IRAK1BP1: variants seen among roughly 807,000 people sequenced by gnomAD.
IRAK1BP1 encodes the protein interleukin-1 receptor-associated kinase 1-binding protein 1.
Under a neutral mutation model 28.0 loss-of-function variants are expected in IRAK1BP1, and 24 were observed. The ratio of observed to expected loss-of-function variants is 0.86; its 90% CI spans 0.62 to 1.20. The LOEUF is 1.20. Ranked by LOEUF, IRAK1BP1 falls within the 50% of genes most tolerant of loss-of-function variation. The pLI, the probability that IRAK1BP1 is intolerant of heterozygous loss-of-function variation, is 0.00. For missense variants in IRAK1BP1, 336 were observed against 316.7 expected (o/e 1.06, Z -0.46); for synonymous variants, 131 against 116.3 (o/e 1.13, Z -0.81).
At chr6:78,930,698 G>A (rs954113311) in intron 4 of IRAK1BP1, among the ~76,000 whole-genome samples, 6 of 152,062 alleles carry the variant, frequency 3.9e-5, no homozygotes, top group South Asian at 2.1e-4. Flanking sequence ...TTGAGAGGCC[G>A]AGGCGGGCGG....
intron 2 of IRAK1BP1, among the ~76,000 whole-genome samples, chr6:78,891,737 C>T (rs1405707525): frequency 6.6e-6 from 1 of 152,180 alleles, no homozygotes; most frequent in Non-Finnish European, 1.5e-5. Flanking sequence ...GTTGGGATTA[C>T]AGGCGTGAGC....
intron 4 of IRAK1BP1, among the ~76,000 whole-genome samples, chr6:78,917,315 GA>G (rs1188753847): frequency 6.6e-6 from 1 of 151,514 alleles, no homozygotes; most frequent in African/African-American, 2.4e-5. Flanking sequence ...CCAAGCAGAA[GA>G]AAAAAATTCA....
At chr6:78,961,821 T>A in the IRAK1BP1 span, 1 of 1,585,662 alleles carries the variant, frequency 6.3e-7, no homozygotes, top group Admixed American at 1.8e-5. Flanking sequence ...CTAAAATAAA[T>A]AGATAAGTTT....
chr6:78,958,175 T>C, the IRAK1BP1 span: 1 of 202,222 alleles, frequency 4.9e-6, no homozygotes, highest in Non-Finnish European at 9.9e-6. Flanking sequence ...TTTACTATTA[T>C]TATTGTCTAA....
intron 4 of IRAK1BP1, among the ~76,000 whole-genome samples, chr6:78,915,034 G>C (rs1013575958): frequency 1.6e-4 from 24 of 152,058 alleles, no homozygotes; most frequent in Non-Finnish European, 2.1e-4. Context: ...TGGTCAGGCT[G>C]GTCTCGAACT....
downstream of IRAK1BP1, among the ~76,000 whole-genome samples, chr6:78,950,363 T>C (rs1415659618): frequency 6.6e-6 from 1 of 152,208 alleles, no homozygotes; most frequent in South Asian, 2.1e-4. Flanking sequence ...CTGGTCTTCA[T>C]AGAGTGAGTT....
At chr6:78,958,634 C>A in the IRAK1BP1 span, 1 of 1,339,974 alleles carries the variant, frequency 7.5e-7, no homozygotes, top group South Asian at 1.2e-5. Context: ...TTTTAACTTC[C>A]TTATATTTAG....
At chr6:78,945,883 G>A in exon 5 of IRAK1BP1, 1 of 726,812 alleles carries the variant, frequency 1.4e-6, no homozygotes, top group Non-Finnish European at 2.3e-6. Context: ...TAATAAAGAA[G>A]GCAAAAACAA....
rs560954126 is a variant in IRAK1BP1 at position 78,867,646 on chromosome 6, G to C, written c.70G>C (p.Glu24Gln). The change falls in exon 1 of 4, where the codon GAG becomes CAG. Residue 24 changes from glutamate (E) to glutamine (Q), a missense_variant. By Grantham distance (29) the Glu-to-Gln change is conservative. Transcript: ENST00000369940. ...ELVPWADRSR[E>Q]NNLASGRETL... is the part of the protein sequence containing the mutation. ...GGTTCCCTGGGCTGACCGGAGCCGG[G>C]AGAACAACCTGGCCTCAGGGAGAGA... 4.3e-6 allele frequency: 7 copies of C among 1,614,244 alleles called. No individual in the cohort carries two copies. The East Asian group carries it at 1.3e-4, about 31-fold the overall frequency.
chr6:78,975,383 C>A, the IRAK1BP1 span, among the ~76,000 whole-genome samples: 18 of 152,028 alleles, frequency 1.2e-4, no homozygotes, highest in African/African-American at 3.6e-4. Context: ...TCAAAATAAT[C>A]AGAGCTATCT....
At chr6:78,948,084 C>A (rs909576203), downstream of IRAK1BP1, among the ~76,000 whole-genome samples, 7 of 152,070 alleles carry the variant, frequency 4.6e-5, no homozygotes, top group Non-Finnish European at 8.8e-5. Flanking sequence ...AAAAGCCCAG[C>A]TCTACAACCG....
chr6:78,971,025 T>A, the IRAK1BP1 span: 1 of 614,670 alleles, frequency 1.6e-6, no homozygotes, highest in Non-Finnish European at 2.8e-6. Context: ...TCCCTCCTCC[T>A]TTCTCTCAAG....
At chr6:78,922,527 A>C (rs1323308298) in intron 4 of IRAK1BP1, among the ~76,000 whole-genome samples, 2 of 152,210 alleles carry the variant, frequency 1.3e-5, no homozygotes, top group African/African-American at 2.4e-5. Flanking sequence ...GAACTTCCCC[A>C]ATCTAGCAAG....
chr6:78,964,562 G>A, the IRAK1BP1 span, among the ~76,000 whole-genome samples: 4 of 151,932 alleles, frequency 2.6e-5, no homozygotes, highest in African/African-American at 4.8e-5. Context: ...GTGCAATCTC[G>A]GCTCACTGCC....
At chr6:78,973,099 A>C in the IRAK1BP1 span, among the ~76,000 whole-genome samples, 1 of 152,280 alleles carries the variant, frequency 6.6e-6, no homozygotes, top group African/African-American at 2.4e-5. Flanking sequence ...GTTGAAATGA[A>C]GGAAAAAATG....
chr6:78,885,556 A>G, intron 2 of IRAK1BP1, 113 bp downstream of exon 2: 1 of 528,196 alleles, frequency 1.9e-6, no homozygotes, highest in Non-Finnish European at 3.4e-6. Flanking sequence ...ATAGAAGATT[A>G]TTTTTCTCAA....
At chr6:78,975,179 A>T in the IRAK1BP1 span, among the ~76,000 whole-genome samples, 6 of 151,824 alleles carry the variant, frequency 4.0e-5, no homozygotes, top group South Asian at 4.2e-4. Context: ...TCCACCATGA[A>T]CAAGTGGGCT....
the IRAK1BP1 span, chr6:78,978,572 A>T: frequency 6.4e-7 from 1 of 1,557,112 alleles, no homozygotes; most frequent in South Asian, 1.2e-5. Flanking sequence ...AAAATGGATA[A>T]TTTAAAACTT....
chr6:78,978,763 C>T, the IRAK1BP1 span: 1 of 1,412,234 alleles, frequency 7.1e-7, no homozygotes. Flanking sequence ...AAGCATTAAT[C>T]CACAAATCTA....
Sources: gnomAD v4.1 joint callset for allele counts (sites outside exome capture counted in the v4.1 genomes callset) on GRCh38, gnomAD v4.1.1 for gene constraint, MANE v1.5 for transcripts, NCBI Gene and HGNC (gene_info 2026-07-23, HGNC 2026-07-21) for gene names.